Variants in ERBIN observed in about 807,000 individuals in gnomAD.
ERBIN encodes erbb2 interacting protein.
ERBIN carries 60 observed loss-of-function variants against 158.4 expected under a neutral mutation model. The ratio of observed to expected loss-of-function variants is 0.38; its 90% CI spans 0.31 to 0.47. The LOEUF (loss-of-function observed/expected upper bound fraction) is 0.47. Ranked by LOEUF, ERBIN falls within the 20% of genes least tolerant of loss-of-function variation. The pLI, the probability that ERBIN is intolerant of heterozygous loss-of-function variation, is 0.99. For missense variants in ERBIN, 1,610 were observed against 1,648.0 expected (o/e 0.98, Z 0.40); for synonymous variants, 594 against 557.2 (o/e 1.07, Z -0.93).
At chr5:66,005,866 C>A (rs951054750) in intron 4 of ERBIN, among the ~76,000 whole-genome samples, 1 of 152,134 alleles carries the variant, frequency 6.6e-6, no homozygotes, top group African/African-American at 2.4e-5. Context: ...TCAAGGAGAA[C>A]TACAAACCAC....
rs1756028507 is a variant in ERBIN, at chr5:66,024,504, C to G, written c.817+54C>G. 5 of 1,501,800 alleles carry G rather than the reference C, an allele frequency of 3.3e-6. No homozygotes were observed. In the South Asian group the frequency reaches 5.1e-5, roughly 15 times the overall value. 93.0% of individuals were successfully genotyped at this position (1,501,800 alleles called of 1,614,324 possible). On this transcript the variant is annotated intron_variant, in intron 10 of 25. Coordinates refer to ENST00000284037, the MANE Select transcript of ERBIN (RefSeq NM_001253697.2). The stretch of plus-strand genomic sequence containing the variant: ...TTTTATTAAAATAAATTCGAGACTT[C>G]CACATAATCTCAAATTTCACTTGTT...
At chr5:65,955,209 AG>A (rs759536587) in intron 1 of ERBIN, among the ~76,000 whole-genome samples, 2 of 152,192 alleles carry the variant, frequency 1.3e-5, no homozygotes, top group African/African-American at 4.8e-5. Flanking sequence ...GCTAGCACAT[AG>A]GGGGGCCAAC....
intron 1 of ERBIN, among the ~76,000 whole-genome samples, chr5:65,987,842 C>CAA (rs60092791): frequency 1.8e-4 from 15 of 83,134 alleles, no homozygotes; most frequent in African/African-American, 4.0e-4. Context: ...GATACGTCTC[C>CAA]AAAAAAAAAA....
Position 66,080,420 on chromosome 5 carries a change from A to G in ERBIN, c.*1890A>G, listed in dbSNP as rs1580572784. 1 of 152,422 alleles carries G rather than the reference A, an allele frequency of 6.6e-6. No homozygotes were observed. The highest frequency in any genetic ancestry group is 1.9e-4 in the East Asian group (1 of 5,180). 9.4% of individuals were successfully genotyped at this position (152,422 alleles called of 1,614,324 possible). ...CATAGGAATTGATTTTTATGGATAT[A>G]GTAGAAGAAATGTGCTGTATTTTGA... On this transcript the variant is annotated 3_prime_UTR_variant, in exon 26 of 26. Transcript: ENST00000284037.
Position 65,938,336 on chromosome 5 carries a change from G to GGT in ERBIN, c.-58+11533_-58+11534dup, listed in dbSNP as rs1216363476. On this transcript the variant is annotated intron_variant, in intron 1 of 25. Coordinates refer to ENST00000284037, the MANE Select transcript of ERBIN (RefSeq NM_001253697.2). ...TTAGTTGATATGTTTGTATTTTCTGGGTGTATAGTAATAGATTCGTGAGCA... is the reference window on the plus strand; with the variant it reads ...TTAGTTGATATGTTTGTATTTTCTGGGTGTGTATAGTAATAGATTCGTGAGCA... 4.0e-5 allele frequency among the ~76,000 whole-genome samples: 6 copies of GGT among 150,648 alleles called. 1 individual carries two copies. The South Asian group carries it at 1.3e-3, about 32-fold the overall frequency.
chr5:65,940,371 T>A (rs1290670688), intron 1 of ERBIN, among the ~76,000 whole-genome samples: 5 of 141,696 alleles, frequency 3.5e-5, no homozygotes, highest in African/African-American at 1.4e-4. Flanking sequence ...GTCTGGGAAG[T>A]GAGGAGCATC....
chr5:66,001,949 T>C (rs1043194734), intron 4 of ERBIN, among the ~76,000 whole-genome samples: 30 of 152,266 alleles, frequency 2.0e-4, no homozygotes, highest in African/African-American at 6.7e-4. Context: ...TTTGTCCTAA[T>C]GCTATCCCTC....
intron 21 of ERBIN, among the ~76,000 whole-genome samples, chr5:66,070,517 CTTG>C (rs903437603): frequency 6.6e-5 from 10 of 151,168 alleles, no homozygotes; most frequent in Non-Finnish European, 1.2e-4. Context: ...ACATTTTGTG[CTTG>C]TTTTTTTTTA....
At chr5:66,041,398 A>G (rs1757906555) in intron 15 of ERBIN, among the ~76,000 whole-genome samples, 1 of 151,970 alleles carries the variant, frequency 6.6e-6, no homozygotes, top group Admixed American at 6.6e-5. Flanking sequence ...ATCATCCCAC[A>G]TTGACATCAT....
chr5:65,982,456 T>G (rs900710195), intron 1 of ERBIN, among the ~76,000 whole-genome samples: 2 of 152,210 alleles, frequency 1.3e-5, no homozygotes, highest in African/African-American at 4.8e-5. Flanking sequence ...TGGAGAATTG[T>G]CTTTCAACCC....
chr5:66,027,031 A>G (rs575065957), intron 13 of ERBIN, among the ~76,000 whole-genome samples: 75 of 152,130 alleles, frequency 4.9e-4, no homozygotes, highest in African/African-American at 1.7e-3. Flanking sequence ...TAAAAACAGA[A>G]TGTCCATACT....
intron 1 of ERBIN, among the ~76,000 whole-genome samples, chr5:65,946,396 AATC>A (rs1189989171): frequency 1.3e-5 from 2 of 152,316 alleles, no homozygotes; most frequent in Admixed American, 1.3e-4. Context: ...GAATGAATGG[AATC>A]ATATAGTACA....
At chr5:65,934,841 T>C (rs909811294) in intron 1 of ERBIN, among the ~76,000 whole-genome samples, 7 of 152,242 alleles carry the variant, frequency 4.6e-5, no homozygotes, top group African/African-American at 1.7e-4. Flanking sequence ...AATGCATTAC[T>C]ATTTATTTTG....
rs35156987 is a variant in ERBIN, at chr5:66,014,649, AT to A, written c.477-10del. On this transcript the variant is annotated intron_variant, in intron 6 of 25. Transcript: ENST00000284037. ...TCATTGTCTTTGTCCTAAATACATG[AT>A]TTTTTTTTTGTATTGCAGATTAACT... The A allele has an allele frequency of 0.023, 24,445 of 1,040,638 alleles. 1,712 individuals are homozygous for A. The African/African-American group carries it at 0.24, about 10-fold the overall frequency. The allele number at this position is 1,040,638 out of a possible 1,614,324, so 64.5% of individuals were successfully genotyped here. A position where few individuals can be genotyped will look rare whatever the true frequency, so the allele number is the denominator to read the frequency against.
rs987590502 is a variant in ERBIN at position 66,080,534 on chromosome 5, A to G, written c.*2004A>G. On this transcript the variant is annotated 3_prime_UTR_variant, in exon 26 of 26. Transcript: ENST00000284037. ...TAAGACAAGTCTCGGTGTTCCCTTT[A>G]TTCTTAGTTTGTTTTTAAATATTAA... The G allele has an allele frequency of 1.3e-5, 2 of 151,490 alleles. No homozygotes were observed. The highest frequency in any genetic ancestry group is 1.3e-4 in the Admixed American group (2 of 15,212). 9.4% of individuals were successfully genotyped at this position (151,490 alleles called of 1,614,324 possible).
intron 21 of ERBIN, among the ~76,000 whole-genome samples, chr5:66,055,801 A>T (rs2151245505): frequency 6.6e-6 from 1 of 152,308 alleles, no homozygotes; most frequent in Middle Eastern, 3.4e-3. Context: ...AGCCATTTTT[A>T]AAAATTCCTT....
At chr5:66,039,249 T>G (rs1757703648) in intron 15 of ERBIN, among the ~76,000 whole-genome samples, 1 of 151,920 alleles carries the variant, frequency 6.6e-6, no homozygotes, top group African/African-American at 2.4e-5. Context: ...GAACTTCAGT[T>G]TCCTTATCTT....
intron 7 of ERBIN, among the ~76,000 whole-genome samples, chr5:66,018,458 ATTATATAATATATATTATATATTATATAT>A (rs1561379850): frequency 7.6e-5 from 1 of 13,204 alleles, no homozygotes; most frequent in Non-Finnish European, 1.4e-4. Context: ...TATATATTAT[ATTATATAATATATATTATATATTATATAT>A]TATATTATAT....
intron 21 of ERBIN, among the ~76,000 whole-genome samples, chr5:66,059,903 G>A (rs1233812080): frequency 6.6e-6 from 1 of 152,160 alleles, no homozygotes; most frequent in Non-Finnish European, 1.5e-5. Flanking sequence ...TGATCATGGT[G>A]GATAAGCTTT....
Sources: allele counts gnomAD v4.1 joint callset (sites outside exome capture counted in the v4.1 genomes callset), GRCh38; gene constraint gnomAD v4.1.1; transcripts MANE v1.5; gene names NCBI Gene and HGNC (gene_info 2026-07-23, HGNC 2026-07-21).